Variants in KCNN3 observed in about 807,000 individuals in gnomAD.
The protein encoded by KCNN3 is small conductance calcium-activated potassium channel protein 3.
Under a neutral mutation model 62.9 loss-of-function variants are expected in KCNN3, and 16 were observed. That is an observed-to-expected ratio of 0.25 (90% CI 0.17 to 0.39). KCNN3 has a LOEUF of 0.39. Ranked by LOEUF, KCNN3 falls within the 10% of genes least tolerant of loss-of-function variation. KCNN3 has a pLI of 1.00. For synonymous variants in KCNN3, 370 were observed against 389.2 expected, an observed-to-expected ratio of 0.95 and a Z score of 0.58; for missense variants, 599 against 949.4, an observed-to-expected ratio of 0.63 and a Z score of 4.85.
intron 2 of KCNN3, among the ~76,000 whole-genome samples, chr1:154,807,579 C>A (rs1650228097): frequency 6.6e-6 from 1 of 152,234 alleles, no homozygotes; most frequent in South Asian, 2.1e-4. Context: ...AGGATGTAAA[C>A]TCCCTGCCTG....
At chr1:154,730,504 G>A (rs1700569046) in intron 4 of KCNN3, among the ~76,000 whole-genome samples, 1 of 152,130 alleles carries the variant, frequency 6.6e-6, no homozygotes, top group African/African-American at 2.4e-5. Context: ...GGAGGAGGAG[G>A]GGAAAGGATC....
At chr1:154,807,799 G>A (rs1305915931) in intron 2 of KCNN3, among the ~76,000 whole-genome samples, 1 of 152,184 alleles carries the variant, frequency 6.6e-6, no homozygotes, top group East Asian at 1.9e-4. Flanking sequence ...GTTGGGTGGT[G>A]TTCAGTCAGT....
At chr1:154,780,988 T>C (rs1649020878) in intron 2 of KCNN3, among the ~76,000 whole-genome samples, 2 of 152,122 alleles carry the variant, frequency 1.3e-5, no homozygotes, top group African/African-American at 2.4e-5. Flanking sequence ...TAAGAAGAAA[T>C]TGTCCTCATC....
chr1:154,821,948 G>T (rs1650915916), intron 2 of KCNN3, 141 bp downstream of exon 2: 1 of 686,584 alleles, frequency 1.5e-6, no homozygotes, highest in African/African-American at 1.8e-5. Flanking sequence ...CAGAAGAGAA[G>T]AGCCACGATC....
At chr1:154,853,053 A>G (rs551775282) in intron 1 of KCNN3, among the ~76,000 whole-genome samples, 1 of 152,150 alleles carries the variant, frequency 6.6e-6, no homozygotes, top group South Asian at 2.1e-4. Flanking sequence ...ACAGTGGCGT[A>G]ATCACAGCTC....
At chr1:154,734,534 G>A (rs1361465599) in intron 3 of KCNN3, among the ~76,000 whole-genome samples, 1 of 152,210 alleles carries the variant, frequency 6.6e-6, no homozygotes, top group Non-Finnish European at 1.5e-5. Context: ...CCCCCACAGG[G>A]TCTGTGCCCA....
intron 3 of KCNN3, among the ~76,000 whole-genome samples, chr1:154,764,922 G>C (rs1648186627): frequency 6.6e-6 from 1 of 152,134 alleles, no homozygotes. Context: ...CCCCCCAAAA[G>C]TAAACTCCAA....
At chr1:154,848,596 C>G (rs1652178788) in intron 1 of KCNN3, among the ~76,000 whole-genome samples, 1 of 152,178 alleles carries the variant, frequency 6.6e-6, no homozygotes, top group African/African-American at 2.4e-5. Flanking sequence ...ATGTCCCTCT[C>G]CAGTCTTCTC....
At chr1:154,865,366 G>A (rs1024191212) in intron 1 of KCNN3, among the ~76,000 whole-genome samples, 1 of 151,160 alleles carries the variant, frequency 6.6e-6, no homozygotes, top group Non-Finnish European at 1.5e-5. Context: ...AAAAAAAAAA[G>A]GACTCCTCAT....
chr1:154,824,786 C>T (rs1651038123), intron 1 of KCNN3, among the ~76,000 whole-genome samples: 2 of 152,258 alleles, frequency 1.3e-5, no homozygotes, highest in South Asian at 4.1e-4. Flanking sequence ...CAGATGCTCT[C>T]TCCTTTGGGC....
At chr1:154,861,050 G>T (rs1386925560) in intron 1 of KCNN3, among the ~76,000 whole-genome samples, 2 of 147,848 alleles carry the variant, frequency 1.4e-5, no homozygotes, top group African/African-American at 4.9e-5. Flanking sequence ...CGCCTCCCGG[G>T]TTCAAGCGAT....
intron 7 of KCNN3, among the ~76,000 whole-genome samples, chr1:154,710,113 C>A (rs1446019970): frequency 6.6e-6 from 1 of 152,200 alleles, no homozygotes; most frequent in Non-Finnish European, 1.5e-5. Flanking sequence ...GGGAAAGACT[C>A]CAAGCCCTCC....
At chr1:154,741,954 C>G (rs569146988) in intron 3 of KCNN3, among the ~76,000 whole-genome samples, 1 of 152,368 alleles carries the variant, frequency 6.6e-6, no homozygotes, top group East Asian at 1.9e-4. Context: ...AATGAGGAAG[C>G]CAACAACACG....
chr1:154,825,749 T>C (rs556292500), intron 1 of KCNN3, among the ~76,000 whole-genome samples: 2 of 151,886 alleles, frequency 1.3e-5, no homozygotes, highest in South Asian at 4.2e-4. Flanking sequence ...CAGGCAGTGA[T>C]GGAACACTAC....
intron 1 of KCNN3, 62 bp downstream of exon 1, chr1:154,868,970 C>G: frequency 7.2e-7 from 1 of 1,393,516 alleles, no homozygotes; most frequent in South Asian, 1.2e-5. Context: ...CTCTCTCAAT[C>G]CCTCTCTTGC....
chr1:154,784,997 C>T (rs1649217115), intron 2 of KCNN3, among the ~76,000 whole-genome samples: 1 of 152,192 alleles, frequency 6.6e-6, no homozygotes, highest in South Asian at 2.1e-4. Flanking sequence ...TGGGCTGAGC[C>T]CCAGTGTTTG....
chr1:154,864,944 G>C (rs1009645586), intron 1 of KCNN3, among the ~76,000 whole-genome samples: 1 of 152,150 alleles, frequency 6.6e-6, no homozygotes, highest in East Asian at 1.9e-4. Context: ...GCACTCTCCA[G>C]CCTCCCCTGA....
intron 1 of KCNN3, among the ~76,000 whole-genome samples, chr1:154,865,164 A>G (rs1355683382): frequency 1.3e-5 from 2 of 152,128 alleles, no homozygotes; most frequent in African/African-American, 4.8e-5. Flanking sequence ...AATTTAATGC[A>G]ATGGAGTGGG....
At chr1:154,797,106 C>G (rs886661457) in intron 2 of KCNN3, among the ~76,000 whole-genome samples, 1 of 152,186 alleles carries the variant, frequency 6.6e-6, no homozygotes, top group African/African-American at 2.4e-5. Flanking sequence ...GAGGGTAAGA[C>G]CATCTAGAAT....
Sources: gnomAD v4.1 joint callset for allele counts (sites outside exome capture counted in the v4.1 genomes callset) on GRCh38, gnomAD v4.1.1 for gene constraint, MANE v1.5 for transcripts, NCBI Gene and HGNC (gene_info 2026-07-23, HGNC 2026-07-21) for gene names.